The following CADPS variants were observed in gnomAD, a reference collection of about 807,000 sequenced individuals.
CADPS encodes calcium dependent secretion activator, also known as calcium-dependent secretion activator 1.
CADPS carries 57 observed loss-of-function variants against 167.3 expected under a neutral mutation model. The observed-to-expected ratio is 0.34, with a 90% CI of 0.28 to 0.42. The LOEUF (loss-of-function observed/expected upper bound fraction) is 0.42, where lower values mean the gene tolerates loss of function less well. CADPS is among the 20% of genes least tolerant of loss of function. CADPS has a pLI of 1.00. For synonymous variants in CADPS, 676 were observed against 635.3 expected (o/e 1.06, Z -0.96); for missense variants, 1,414 against 1,738.1 (o/e 0.81, Z 3.32).
chr3:62,627,697 C>A (rs1444366330), intron 6 of CADPS, among the ~76,000 whole-genome samples: 4 of 151,762 alleles, frequency 2.6e-5, no homozygotes, highest in Admixed American at 2.6e-4. Context: ...TGTTAAGAAT[C>A]TATATATTCA....
intron 28 of CADPS, among the ~76,000 whole-genome samples, chr3:62,417,550 G>A: frequency 6.6e-6 from 1 of 151,938 alleles, no homozygotes; most frequent in East Asian, 1.9e-4. Context: ...CTCCCAAAGT[G>A]TTGGGATTAA....
chr3:62,706,959 G>T (rs560155162), intron 3 of CADPS, among the ~76,000 whole-genome samples: 84 of 152,224 alleles, frequency 5.5e-4, no homozygotes, highest in African/African-American at 2.0e-3. Context: ...ATATATCCAT[G>T]TAACAAAACT....
At chr3:62,720,084 T>C (rs2075455835) in intron 3 of CADPS, among the ~76,000 whole-genome samples, 1 of 152,126 alleles carries the variant, frequency 6.6e-6, no homozygotes, top group African/African-American at 2.4e-5. Flanking sequence ...CACTTCTCTT[T>C]TAAGGTACTG....
chr3:62,674,531 T>C (rs757334273), intron 3 of CADPS, among the ~76,000 whole-genome samples: 8 of 152,190 alleles, frequency 5.3e-5, no homozygotes, highest in Non-Finnish European at 1.2e-4. Context: ...AAGAAACAGT[T>C]TGTTCCCAGT....
At chr3:62,629,979 G>A (rs751818112) in intron 6 of CADPS, among the ~76,000 whole-genome samples, 5 of 152,062 alleles carry the variant, frequency 3.3e-5, no homozygotes, top group Admixed American at 2.0e-4. Context: ...TCACACCAGT[G>A]ATTTCCCATC....
intron 6 of CADPS, among the ~76,000 whole-genome samples, chr3:62,633,100 A>G (rs550822023): frequency 6.6e-6 from 1 of 152,218 alleles, no homozygotes; most frequent in South Asian, 2.1e-4. Flanking sequence ...CGGAGAGAAG[A>G]GCCAAGTGTT....
At position 62,710,170 on chromosome 3, in the gene CADPS, A is replaced by G. The variant is rs17066965; in HGVS notation, c.888+43271T>C. 9.6e-3 allele frequency among the ~76,000 whole-genome samples: 1,467 copies of G among 152,244 alleles called. 30 individuals are homozygous for G. The highest frequency in any genetic ancestry group is 0.033 in the African/African-American group (1,373 of 41,520). ...AGAGATTATTTTTCTCTCTGTCCTC[A>G]CTACTTAGCACTGAAATCTCCGTGA... On this transcript the variant is annotated intron_variant, in intron 3 of 29. Coordinates refer to ENST00000383710, the MANE Select transcript of CADPS (RefSeq NM_003716.4).
At chr3:62,701,642 A>G (rs1173678835) in intron 3 of CADPS, among the ~76,000 whole-genome samples, 4 of 151,870 alleles carry the variant, frequency 2.6e-5, no homozygotes, top group East Asian at 1.9e-4. Context: ...AAAGGAAAAG[A>G]AAAGAAAAGA....
At chr3:62,614,784 T>C (rs781012756) in intron 6 of CADPS, among the ~76,000 whole-genome samples, 4 of 152,202 alleles carry the variant, frequency 2.6e-5, no homozygotes, top group African/African-American at 9.6e-5. Context: ...GTGCCAGGCA[T>C]TGGTGTCTAT....
chr3:62,675,922 C>A (rs930734354), intron 3 of CADPS, among the ~76,000 whole-genome samples: 1 of 152,080 alleles, frequency 6.6e-6, no homozygotes, highest in Non-Finnish European at 1.5e-5. Flanking sequence ...GTGATTATGG[C>A]AAATCCCTCC....
At position 62,549,973 on chromosome 3, in the gene CADPS, C is replaced by A; in HGVS notation, c.1896G>T (p.Pro632=). 6.2e-7 allele frequency: 1 copy of A among 1,614,012 alleles called. No individual in the cohort carries two copies. The highest frequency in any genetic ancestry group is 8.5e-7 in the Non-Finnish European group (1 of 1,179,956). The change falls in exon 11 of 30, where the codon CCG becomes CCT. Residue 632 remains proline (P), a synonymous_variant. Coordinates refer to ENST00000383710, the MANE Select transcript of CADPS (RefSeq NM_003716.4). ...TGGCGTTGAGTTTCTGGACTTGGGT[C>A]GGGGGCACAGGCTTGTGTGACTGCC... ...ATGQSHKPVP[P]TQVQKLNAKG... is the part of the protein sequence containing the mutation.
intron 1 of CADPS, among the ~76,000 whole-genome samples, chr3:62,843,498 T>TGTGTGTGTGTGTGTGTGA (rs1245682057): frequency 7.9e-6 from 1 of 125,892 alleles, no homozygotes; most frequent in Non-Finnish European, 1.7e-5. Flanking sequence ...TTGGGGTGTG[T>TGTGTGTGTGTGTGTGTGA]GTGTGTGTGT....
intron 2 of CADPS, among the ~76,000 whole-genome samples, chr3:62,759,595 C>G (rs951252699): frequency 6.6e-6 from 1 of 152,094 alleles, no homozygotes; most frequent in African/African-American, 2.4e-5. Flanking sequence ...CTGAAAACAA[C>G]TGTGTTAAAT....
chr3:62,779,324 T>G lies in CADPS; in HGVS notation c.442-13340A>C, dbSNP rs141472662. The G allele has an allele frequency of 4.0e-5, 16 of 402,112 alleles. No individual in the cohort carries two copies. The Middle Eastern group carries it at 2.2e-3, about 55-fold the overall frequency. The allele number at this position is 402,112 out of a possible 1,614,324, so 24.9% of individuals were successfully genotyped here. ...GCAGCCTTCTTTCCCGCAGTGGTCA[T>G]CTTTTTTTCTGGAACTTTAGCAGCA... On this transcript the variant is annotated intron_variant, in intron 1 of 29. Transcript: ENST00000383710.
chr3:62,820,656 A>G (rs2094860698), intron 1 of CADPS, among the ~76,000 whole-genome samples: 1 of 152,146 alleles, frequency 6.6e-6, no homozygotes. Context: ...GAAAGCCTGA[A>G]CAGTTGAGTT....
At chr3:62,678,924 A>G (rs1037226234) in intron 3 of CADPS, among the ~76,000 whole-genome samples, 1 of 152,032 alleles carries the variant, frequency 6.6e-6, no homozygotes, top group African/African-American at 2.4e-5. Context: ...ATATGAGAAG[A>G]AAACAGCGAA....
intron 1 of CADPS, among the ~76,000 whole-genome samples, chr3:62,861,814 G>A (rs931472007): frequency 1.3e-5 from 2 of 152,052 alleles, no homozygotes; most frequent in Non-Finnish European, 2.9e-5. Context: ...ATCCAATACT[G>A]GAATCTTATA....
chr3:62,603,533 A>T (rs1341485958), intron 6 of CADPS, among the ~76,000 whole-genome samples: 5 of 152,144 alleles, frequency 3.3e-5, no homozygotes, highest in Admixed American at 3.3e-4. Flanking sequence ...CTCAGTGCTT[A>T]TTTTCTCACT....
In CADPS at chr3:62,767,331, C is replaced by G. The variant is rs771646441; in HGVS notation, c.442-1347G>C. Among the ~76,000 whole-genome samples, 61 of 152,248 alleles carry G rather than the reference C, an allele frequency of 4.0e-4. 1 individual carries two copies. Among genetic ancestry groups the G allele is most frequent in the Admixed American group, 6.5e-4 (10 of 15,278 alleles). On this transcript the variant is annotated intron_variant, in intron 1 of 29. Coordinates refer to ENST00000383710, the MANE Select transcript of CADPS (RefSeq NM_003716.4). The stretch of plus-strand genomic sequence containing the variant: ...ATTGACCTGAGAGTGAAGAGCCAGC[C>G]TTTCTGGATCAGGGCTGGGTTTAAA...
Sources: gnomAD v4.1 joint callset for allele counts (sites outside exome capture counted in the v4.1 genomes callset) on GRCh38, gnomAD v4.1.1 for gene constraint, MANE v1.5 for transcripts, NCBI Gene and HGNC (gene_info 2026-07-23, HGNC 2026-07-21) for gene names.